EFR3A: variants seen among roughly 807,000 people sequenced by gnomAD.
EFR3A encodes protein EFR3 homolog A.
A neutral mutation model predicts 104.4 loss-of-function variants in EFR3A; 76 were observed. That is an observed-to-expected ratio of 0.73 (90% CI 0.60 to 0.88). The LOEUF (loss-of-function observed/expected upper bound fraction) is 0.88. Ranked by LOEUF, EFR3A falls within the 40% of genes least tolerant of loss-of-function variation. EFR3A has a pLI of 0.00. For synonymous variants in EFR3A, 330 were observed against 330.0 expected, an observed-to-expected ratio of 1.00 and a Z score of 0.00; for missense variants, 985 against 1,012.5, an observed-to-expected ratio of 0.97 and a Z score of 0.37.
intron 13 of EFR3A, among the ~76,000 whole-genome samples, 160 bp downstream of exon 13, chr8:131,979,179 G>A (rs1333094096): frequency 2.6e-5 from 4 of 152,044 alleles, no homozygotes; most frequent in African/African-American, 4.8e-5. Context: ...TATGTTTTAA[G>A]ATAACAAATT....
At chr8:131,986,137 G>T in intron 16 of EFR3A, 57 bp from the exon 17 acceptor site, 2 of 774,822 alleles carry the variant, frequency 2.6e-6, no homozygotes, top group Non-Finnish European at 2.1e-6. Context: ...AATTTTTATA[G>T]CAAGGTACTG....
chr8:131,946,426 C>T (rs12549192), intron 3 of EFR3A, 57 bp from the exon 4 acceptor site: 33,798 of 1,422,080 alleles, frequency 0.024, 855 homozygotes, highest in South Asian at 0.12. Flanking sequence ...ATGTAAAGCA[C>T]TTAGGAGAAT....
At chr8:131,981,148 C>G (rs1820592584) in intron 14 of EFR3A, among the ~76,000 whole-genome samples, 1 of 151,640 alleles carries the variant, frequency 6.6e-6, no homozygotes, top group Admixed American at 6.6e-5. Context: ...ATTTTGTAAA[C>G]TCAATTTATA....
At chr8:131,972,490 TACAA>T (rs1446092941) in intron 10 of EFR3A, among the ~76,000 whole-genome samples, 1 of 151,842 alleles carries the variant, frequency 6.6e-6, no homozygotes, top group Non-Finnish European at 1.5e-5. Flanking sequence ...GTAGTCAAAG[TACAA>T]ACAGTGAAGA....
intron 5 of EFR3A, 93 bp from the exon 6 acceptor site, chr8:131,953,725 T>G: frequency 8.8e-7 from 1 of 1,137,540 alleles, no homozygotes; most frequent in South Asian, 1.9e-5. Context: ...GATAACAGTA[T>G]TTACTTGATA....
At chr8:131,949,869 T>C (rs1818611817) in intron 4 of EFR3A, 100 bp from the exon 5 acceptor site, 2 of 1,108,842 alleles carry the variant, frequency 1.8e-6, no homozygotes, top group Non-Finnish European at 2.5e-6. Flanking sequence ...TTGTTACTTA[T>C]TTTTATATTG....
rs765143800 is a variant in EFR3A, at chr8:131,950,076, A to G, written c.474A>G (p.Pro158=). Residue 158 remains proline (P), a synonymous_variant, in exon 5 of 23, where the codon CCA becomes CCG. Coordinates refer to ENST00000254624, the MANE Select transcript of EFR3A (RefSeq NM_015137.6). The part of the protein sequence containing the change: ...SAMCHSCHSD[P]EIRTEIRIAG... The stretch of plus-strand genomic sequence containing the variant: ...TGTGCCATTCCTGTCATAGTGATCC[A>G]GAAATACGAACAGAGTATGTATTAT... 3 of 1,608,598 alleles carry G rather than the reference A, an allele frequency of 1.9e-6. No homozygotes were observed. The highest frequency in any genetic ancestry group is 2.5e-6 in the Non-Finnish European group (3 of 1,176,998).
intron 4 of EFR3A, among the ~76,000 whole-genome samples, chr8:131,949,502 A>G (rs926444723): frequency 3.9e-4 from 60 of 152,214 alleles, no homozygotes; most frequent in African/African-American, 1.3e-3. Context: ...CTAAAAGTTT[A>G]TTATTAAAAA....
intron 15 of EFR3A, 141 bp from the exon 16 acceptor site, chr8:131,984,788 A>G: frequency 1.3e-6 from 1 of 764,018 alleles, no homozygotes; most frequent in Non-Finnish European, 2.0e-6. Context: ...TTCCTTTCAG[A>G]ATTGTTTTAG....
At chr8:131,992,289 T>C (rs977083441) in intron 18 of EFR3A, among the ~76,000 whole-genome samples, 1 of 152,148 alleles carries the variant, frequency 6.6e-6, no homozygotes, top group Non-Finnish European at 1.5e-5. Flanking sequence ...AAACAAAAAA[T>C]ACAGGGTCTA....
chr8:131,984,855 T>G (rs1203427069), intron 15 of EFR3A, 74 bp from the exon 16 acceptor site: 1 of 1,349,264 alleles, frequency 7.4e-7, no homozygotes, highest in African/African-American at 1.5e-5. Context: ...CCTGCAGTTT[T>G]CCAGTGTAAT....
In EFR3A at chr8:131,944,993, T is replaced by C. The variant is rs991560286; in HGVS notation, c.215+121T>C. The C allele has an allele frequency of 8.0e-6, 9 of 1,118,872 alleles. No individual in the cohort carries two copies. The African/African-American group carries it at 8.1e-5, about 10-fold the overall frequency. 69.3% of individuals were successfully genotyped at this position (1,118,872 alleles called of 1,614,324 possible). On this transcript the variant is annotated intron_variant, in intron 3 of 22. Coordinates refer to ENST00000254624, the MANE Select transcript of EFR3A (RefSeq NM_015137.6). ...AAGATAATATATAGAGGATAAAACATTGTAATATTATACAAAGAAATATAT... is the reference window on the plus strand; with the variant it reads ...AAGATAATATATAGAGGATAAAACACTGTAATATTATACAAAGAAATATAT...
intron 1 of EFR3A, among the ~76,000 whole-genome samples, chr8:131,929,255 C>G (rs907628362): frequency 3.9e-5 from 6 of 152,112 alleles, no homozygotes; most frequent in Admixed American, 1.3e-4. Flanking sequence ...CCAAACTTTC[C>G]TGTCTCTTCC....
intron 20 of EFR3A, 47 bp downstream of exon 20, chr8:132,001,854 T>G: frequency 6.7e-7 from 1 of 1,496,780 alleles, no homozygotes; most frequent in Non-Finnish European, 9.3e-7. Flanking sequence ...TAACTTATCT[T>G]TATCTGCTGC....
chr8:131,979,196 G>T, intron 13 of EFR3A, 150 bp from the exon 14 acceptor site: 3 of 899,934 alleles, frequency 3.3e-6, no homozygotes, highest in South Asian at 2.1e-5. Context: ...AATTTTTGGA[G>T]GGCACGTATG....
At chr8:131,980,104 G>A (rs916027276) in intron 14 of EFR3A, among the ~76,000 whole-genome samples, 1 of 152,000 alleles carries the variant, frequency 6.6e-6, no homozygotes, top group East Asian at 1.9e-4. Flanking sequence ...CCCTTATAAC[G>A]AACACAGTAT....
chr8:131,967,285 C>A (rs1339461797), intron 8 of EFR3A, among the ~76,000 whole-genome samples: 1 of 151,920 alleles, frequency 6.6e-6, no homozygotes, highest in Non-Finnish European at 1.5e-5. Flanking sequence ...TGAGAAATAC[C>A]TAGAGATGAA....
chr8:131,913,350 T>C (rs542893036), intron 1 of EFR3A, among the ~76,000 whole-genome samples: 6 of 152,210 alleles, frequency 3.9e-5, no homozygotes, highest in South Asian at 4.1e-4. Flanking sequence ...TTTTTCTTCT[T>C]TCCATGTATG....
At chr8:132,005,917 A>AT (rs1822021158) in intron 22 of EFR3A, among the ~76,000 whole-genome samples, 1 of 152,188 alleles carries the variant, frequency 6.6e-6, no homozygotes, top group African/African-American at 2.4e-5. Flanking sequence ...CATCATATTG[A>AT]GTATGTTCTC....
Sources: gnomAD v4.1 joint callset for allele counts (sites outside exome capture counted in the v4.1 genomes callset) on GRCh38, gnomAD v4.1.1 for gene constraint, MANE v1.5 for transcripts, NCBI Gene and HGNC (gene_info 2026-07-23, HGNC 2026-07-21) for gene names.